Variants in TMEM87A observed in about 807,000 individuals in gnomAD.
TMEM87A encodes Golgi-pH regulating cation channel.
Under a neutral mutation model 90.0 loss-of-function variants are expected in TMEM87A, and 50 were observed. That is an observed-to-expected ratio of 0.56 (90% CI 0.44 to 0.70). The LOEUF (loss-of-function observed/expected upper bound fraction) is 0.70, where lower values mean the gene tolerates loss of function less well. Ranked by LOEUF, TMEM87A falls within the 30% of genes least tolerant of loss-of-function variation. The pLI, the probability that TMEM87A is intolerant of heterozygous loss-of-function variation, is 0.00. For missense variants in TMEM87A, 577 were observed against 660.5 expected, an observed-to-expected ratio of 0.87 and a Z score of 1.39; for synonymous variants, 226 against 226.7, an observed-to-expected ratio of 1.00 and a Z score of 0.03.
At chr15:42,263,376 T>A (rs1476584706) in intron 4 of TMEM87A, among the ~76,000 whole-genome samples, 1 of 152,220 alleles carries the variant, frequency 6.6e-6, no homozygotes. Context: ...GAAGAGTGGT[T>A]ACCATGGTCT....
In TMEM87A at chr15:42,268,025, T is replaced by C; in HGVS notation, c.213A>G (p.Gly71=). 6.2e-7 allele frequency: 1 copy of C among 1,611,730 alleles called. No individual in the cohort carries two copies. The highest frequency in any genetic ancestry group is 8.5e-7 in the Non-Finnish European group (1 of 1,178,844). Residue 71 remains glycine (G), a synonymous_variant, in exon 3 of 20, where the codon GGA becomes GGG. Transcript: ENST00000389834. ...TATTCAAAGACAGGTCACAAGGTTCTCCATCAACTACAAAAGAAGAAATCT... is the reference window on the plus strand; with the variant it reads ...TATTCAAAGACAGGTCACAAGGTTCCCCATCAACTACAAAAGAAGAAATCT... The part of the protein sequence containing the change: ...RNTTIFLKFD[G]EPCDLSLNIT...
chr15:42,218,495 G>T, intron 17 of TMEM87A, 117 bp from the exon 18 acceptor site: 1 of 889,112 alleles, frequency 1.1e-6, no homozygotes, highest in Non-Finnish European at 1.7e-6. Context: ...ATTCACAAAT[G>T]GGACTGCTGA....
intron 7 of TMEM87A, 55 bp downstream of exon 7, chr15:42,243,995 C>G: frequency 2.8e-6 from 3 of 1,070,938 alleles, no homozygotes; most frequent in Non-Finnish European, 4.0e-6. Flanking sequence ...ATGTAAAGTA[C>G]ATGAATGACA....
At chr15:42,271,961 G>A (rs1436657619) in intron 2 of TMEM87A, 102 bp downstream of exon 2, 14 of 945,698 alleles carry the variant, frequency 1.5e-5, no homozygotes, top group Non-Finnish European at 2.1e-5. Flanking sequence ...CCTAGATAAT[G>A]CCAGACTATT....
chr15:42,244,953 C>T (rs943261480), intron 6 of TMEM87A, among the ~76,000 whole-genome samples: 3 of 151,448 alleles, frequency 2.0e-5, no homozygotes, highest in Admixed American at 6.6e-5. Flanking sequence ...TGTGAACCCC[C>T]CAAAATGAAT....
intron 19 of TMEM87A, 130 bp from the exon 20 acceptor site, chr15:42,211,879 G>C: frequency 1.2e-6 from 1 of 849,060 alleles, no homozygotes; most frequent in African/African-American, 1.7e-5. Flanking sequence ...TAGAGAAATG[G>C]TTCCTAAACA....
intron 3 of TMEM87A, among the ~76,000 whole-genome samples, chr15:42,266,359 T>C (rs2051403825): frequency 6.6e-6 from 1 of 151,846 alleles, no homozygotes; most frequent in South Asian, 2.1e-4. Flanking sequence ...TTACTAAAAA[T>C]ACAAAAATTA....
At chr15:42,264,278 C>G in intron 3 of TMEM87A, 75 bp from the exon 4 acceptor site, 1 of 955,390 alleles carries the variant, frequency 1.0e-6, no homozygotes, top group Non-Finnish European at 1.7e-6. Context: ...GCACAACAAA[C>G]AGTTCACCTG....
intron 6 of TMEM87A, chr15:42,258,897 G>A: frequency 6.9e-7 from 1 of 1,442,384 alleles, no homozygotes; most frequent in African/African-American, 1.4e-5. Context: ...CGAAAACACT[G>A]GCAAAAACTA....
At chr15:42,268,372 G>A (rs1379637647) in intron 2 of TMEM87A, among the ~76,000 whole-genome samples, 4 of 152,184 alleles carry the variant, frequency 2.6e-5, no homozygotes, top group Admixed American at 2.0e-4. Context: ...TATTATTTAA[G>A]TATTTATTGA....
At chr15:42,235,311 T>C (rs1188960199) in intron 10 of TMEM87A, among the ~76,000 whole-genome samples, 1 of 152,210 alleles carries the variant, frequency 6.6e-6, no homozygotes, top group Non-Finnish European at 1.5e-5. Flanking sequence ...AGTGTGAGGA[T>C]TATGGCGTAA....
At position 42,233,270 on chromosome 15, in the gene TMEM87A, T is replaced by C; in HGVS notation, c.1005A>G (p.Val335=). The part of the protein sequence containing the change: ...RLGVTLHKVV[V]AGALYLLFSG... ...AGAACAAAAGATAGAGGGCTCCTGC[T>C]ACTACAACCTTATGAAGAGTGACTC... is the stretch of plus-strand genomic sequence containing the variant. Residue 335 remains valine, a synonymous_variant, in exon 11 of 20, where the codon GTA becomes GTG. Coordinates refer to ENST00000389834, the MANE Select transcript of TMEM87A (RefSeq NM_015497.5). 6.2e-7 allele frequency: 1 copy of C among 1,614,064 alleles called. No individual in the cohort carries two copies. Among genetic ancestry groups the C allele is most frequent in the Non-Finnish European group, 8.5e-7 (1 of 1,180,014 alleles).
chr15:42,273,266 G>A lies in TMEM87A; in HGVS notation c.133C>T (p.Pro45Ser), dbSNP rs775527588. 14 of 1,614,108 alleles carry A rather than the reference G, an allele frequency of 8.7e-6. No homozygotes were observed. The South Asian group carries it at 1.5e-4, about 18-fold the overall frequency. The change falls in exon 1 of 20, where the codon CCG becomes TCG. Residue 45 changes from proline (P) to serine (S), a missense_variant. Physicochemically the swap from Pro to Ser is moderately conservative, Grantham distance 74. Coordinates refer to ENST00000389834, the MANE Select transcript of TMEM87A (RefSeq NM_015497.5). ...AAGTGAATACTCACCGACGGTATCG[G>A]AATGTGCCATTTGGACCGGTCGGCA... ...AAADRSKWHI[P>S]IPSGKNYFSF... is the part of the protein sequence containing the mutation.
At position 42,273,134 on chromosome 15, in the gene TMEM87A, C is replaced by G. The variant is rs1180810227; in HGVS notation, c.144+121G>C. On this transcript the variant is annotated intron_variant, in intron 1 of 19. Transcript: ENST00000389834. ...GGTCCCAGTTGGCTAGCCACACAGACCATCCCAGCAACCCCACCCCTTTTG... is the reference window on the plus strand; with the variant it reads ...GGTCCCAGTTGGCTAGCCACACAGAGCATCCCAGCAACCCCACCCCTTTTG... 1.6e-5 allele frequency: 20 copies of G among 1,288,188 alleles called. No homozygotes were observed. The Admixed American group carries it at 4.2e-4, about 27-fold the overall frequency. 79.8% of individuals were successfully genotyped at this position (1,288,188 alleles called of 1,614,324 possible).
chr15:42,239,859 T>C, intron 7 of TMEM87A, 128 bp from the exon 8 acceptor site: 1 of 776,740 alleles, frequency 1.3e-6, no homozygotes, highest in Non-Finnish European at 2.3e-6. Context: ...ACTTCAATCC[T>C]GGTCAATATT....
chr15:42,245,330 G>C (rs1299599211), intron 6 of TMEM87A, among the ~76,000 whole-genome samples: 1 of 151,996 alleles, frequency 6.6e-6, no homozygotes, highest in East Asian at 1.9e-4. Flanking sequence ...TAAAATGCTG[G>C]TGTAATAACC....
intron 6 of TMEM87A, among the ~76,000 whole-genome samples, chr15:42,256,540 T>C (rs756944845): frequency 3.3e-5 from 5 of 152,238 alleles, no homozygotes; most frequent in Non-Finnish European, 7.3e-5. Context: ...ATATTTTGAC[T>C]AAGTATTCCT....
intron 4 of TMEM87A, among the ~76,000 whole-genome samples, chr15:42,263,759 A>T (rs1014838080): frequency 4.6e-5 from 7 of 152,346 alleles, no homozygotes; most frequent in African/African-American, 1.7e-4. Flanking sequence ...GGGAAAAAAA[A>T]AGTACTGGAG....
chr15:42,219,892 T>G (rs1316828337), intron 16 of TMEM87A, among the ~76,000 whole-genome samples, 170 bp downstream of exon 16: 1 of 152,182 alleles, frequency 6.6e-6, no homozygotes, highest in African/African-American at 2.4e-5. Context: ...TAATGTGCAA[T>G]TACTTACTGA....
Sources: gnomAD v4.1 joint callset for allele counts (sites outside exome capture counted in the v4.1 genomes callset) on GRCh38, gnomAD v4.1.1 for gene constraint, MANE v1.5 for transcripts, NCBI Gene and HGNC (gene_info 2026-07-23, HGNC 2026-07-21) for gene names.